Variants in ZMYND8 observed in about 807,000 individuals in gnomAD.
The protein encoded by ZMYND8 is zinc finger MYND-type containing 8.
In ZMYND8, 37 loss-of-function variants were observed where a neutral mutation model predicts 140.8. The ratio of observed to expected loss-of-function variants is 0.26; its 90% CI spans 0.20 to 0.35. The LOEUF is 0.35. Among genes scored for constraint, ZMYND8 ranks in the 10% least tolerant of loss-of-function variants. ZMYND8 has a pLI of 1.00. For synonymous variants in ZMYND8, 592 were observed against 597.1 expected, an observed-to-expected ratio of 0.99 and a Z score of 0.12; for missense variants, 1,068 against 1,570.0, an observed-to-expected ratio of 0.68 and a Z score of 5.40.
In ZMYND8 at chr20:47,209,507, C is replaced by G. The variant is rs901594135; in HGVS notation, c.*1254G>C. On this transcript the variant is annotated 3_prime_UTR_variant, in exon 23 of 23. Coordinates refer to ENST00000471951, the MANE Select transcript of ZMYND8 (RefSeq NM_001281775.3). ...ACAAATGTTCTTTCTCTCCTGTTTT[C>G]TTCTAATACTCTCTTATTTCTTCTC... 2 of 150,238 alleles carry G rather than the reference C, an allele frequency of 1.3e-5. No individual in the cohort carries two copies. Among genetic ancestry groups the G allele is most frequent in the African/African-American group, 2.5e-5 (1 of 40,766 alleles). The allele number at this position is 150,238 out of a possible 1,614,324, so 9.3% of individuals were successfully genotyped here. A position where few individuals can be genotyped will look rare whatever the true frequency, so the allele number is the denominator to read the frequency against.
Position 47,210,825 on chromosome 20 carries a change from T to G in ZMYND8, c.3641A>C (p.Asn1214Thr), listed in dbSNP as rs755510332. 3.1e-6 allele frequency: 5 copies of G among 1,614,152 alleles called. No homozygotes were observed. The highest frequency in any genetic ancestry group is 2.2e-5 in the East Asian group (1 of 44,874). Residue 1214 changes from asparagine (N) to threonine (T), a missense_variant, in exon 23 of 23, where the codon AAC becomes ACC. Physicochemically the swap from Asn to Thr is moderately conservative, Grantham distance 65. Transcript: ENST00000471951. ...GAGGCTCTTCGTGCTGGTACTGGTG[T>G]TGTGATCGGAACGTGTCGATCCCCT... ...EKRGSTRSDH[N>T]TSTSTKSLLP...
intron 7 of ZMYND8, among the ~76,000 whole-genome samples, chr20:47,288,961 G>C (rs896155617): frequency 1.3e-5 from 2 of 152,042 alleles, no homozygotes; most frequent in African/African-American, 4.8e-5. Flanking sequence ...AATTAGCCAG[G>C]TGTGGTGGCA....
intron 2 of ZMYND8, among the ~76,000 whole-genome samples, chr20:47,338,299 T>C (rs187924042): frequency 6.6e-6 from 1 of 151,946 alleles, no homozygotes; most frequent in East Asian, 1.9e-4. Flanking sequence ...ACCAATGCAG[T>C]GGGAGCAGCT....
intron 1 of ZMYND8, chr20:47,355,493 AAG>A: frequency 1.0e-6 from 1 of 985,432 alleles, no homozygotes; most frequent in Non-Finnish European, 1.2e-6. Flanking sequence ...CACAGTTAGG[AAG>A]AGAGAACAGG....
At chr20:47,238,411 A>G (rs2039515512) in intron 15 of ZMYND8, 1 of 375,496 alleles carries the variant, frequency 2.7e-6, no homozygotes, top group South Asian at 2.5e-5. Flanking sequence ...CATGCATAGA[A>G]AAGCTTTTAC....
rs2076100664 is a variant in ZMYND8 at position 47,273,813 on chromosome 20, G to A, written c.1480+2501C>T. On this transcript the variant is annotated intron_variant, in intron 11 of 22. Coordinates refer to ENST00000471951, the MANE Select transcript of ZMYND8 (RefSeq NM_001281775.3). Reference sequence around the variant, plus strand: ...ACGTTACTGCAACAATGACTAAATAGTTGCAGAGTTGGAAAAAAGACCCAA... The same window carrying A: ...ACGTTACTGCAACAATGACTAAATAATTGCAGAGTTGGAAAAAAGACCCAA... Among the ~76,000 whole-genome samples the A allele has an allele frequency of 1.3e-5, 2 of 152,098 alleles. 1 individual carries two copies. Among genetic ancestry groups the A allele is most frequent in the Admixed American group, 1.3e-4 (2 of 15,266 alleles).
At chr20:47,288,551 A>G (rs1439698312) in intron 7 of ZMYND8, among the ~76,000 whole-genome samples, 3 of 151,554 alleles carry the variant, frequency 2.0e-5, no homozygotes, top group African/African-American at 7.3e-5. Flanking sequence ...GCGCCACCAC[A>G]CCCAACTAAT....
At chr20:47,304,873 A>C (rs1006192805) in intron 3 of ZMYND8, among the ~76,000 whole-genome samples, 1 of 152,064 alleles carries the variant, frequency 6.6e-6, no homozygotes, top group African/African-American at 2.4e-5. Flanking sequence ...GTGTTGCCTG[A>C]CCTTGGGGAG....
At chr20:47,294,533 C>A (rs1388971430) in intron 5 of ZMYND8, 133 bp downstream of exon 5, 8 of 750,242 alleles carry the variant, frequency 1.1e-5, no homozygotes, top group Non-Finnish European at 1.8e-5. Flanking sequence ...GTGTGATTTA[C>A]ACATACTTGA....
At chr20:47,349,972 T>C (rs1393709349) in intron 1 of ZMYND8, 32 of 1,527,958 alleles carry the variant, frequency 2.1e-5, no homozygotes, top group Non-Finnish European at 2.8e-5. Context: ...AGCTGAATAC[T>C]TCAGGCAGGA....
chr20:47,305,314 T>C lies in ZMYND8; in HGVS notation c.234+4742A>G, dbSNP rs188526729. Among the ~76,000 whole-genome samples the C allele has an allele frequency of 4.6e-5, 7 of 151,708 alleles. No homozygotes were observed. The East Asian group carries it at 1.2e-3, about 25-fold the overall frequency. On this transcript the variant is annotated intron_variant, in intron 3 of 22. Coordinates refer to ENST00000471951, the MANE Select transcript of ZMYND8 (RefSeq NM_001281775.3). ...CAGGCTGGAGTGCAGTGGTGCGATA[T>C]TGGTTCACTACAACCTCCGAGGTTG...
chr20:47,212,577 A>C, intron 22 of ZMYND8, 65 bp downstream of exon 22: 3 of 1,562,604 alleles, frequency 1.9e-6, no homozygotes, highest in Non-Finnish European at 2.6e-6. Flanking sequence ...GGACACACAC[A>C]GAACAAGCCT....
At chr20:47,216,756 G>A (rs549231960) in intron 21 of ZMYND8, among the ~76,000 whole-genome samples, 2 of 151,968 alleles carry the variant, frequency 1.3e-5, no homozygotes, top group Admixed American at 6.6e-5. Context: ...GCAGTGAGCC[G>A]AGATCATGCC....
At chr20:47,349,742 A>G (rs915847494) in intron 1 of ZMYND8, 2 of 1,379,754 alleles carry the variant, frequency 1.4e-6, no homozygotes, top group African/African-American at 2.9e-5. Flanking sequence ...GTGAAATTCT[A>G]AACTTCTTGA....
In ZMYND8 at chr20:47,308,427, G is replaced by T. The variant is rs191690213; in HGVS notation, c.234+1629C>A. ...TAGGGCCAGGGTTTTTGCCACATTG[G>T]CCAGGCTGGTCTCGAACTCCTGACC... On this transcript the variant is annotated intron_variant, in intron 3 of 22. Coordinates refer to ENST00000471951, the MANE Select transcript of ZMYND8 (RefSeq NM_001281775.3). Among the ~76,000 whole-genome samples, 217 of 151,928 alleles carry T rather than the reference G, an allele frequency of 1.4e-3. 2 individuals are homozygous for T. Among genetic ancestry groups the T allele is most frequent in the Non-Finnish European group, 1.8e-3 (125 of 67,956 alleles).
chr20:47,253,578 G>A (rs920300329), intron 12 of ZMYND8, among the ~76,000 whole-genome samples: 3 of 151,250 alleles, frequency 2.0e-5, no homozygotes, highest in African/African-American at 7.3e-5. Flanking sequence ...AAACTTGCCA[G>A]GTGATCCTAA....
At chr20:47,344,394 T>C (rs1459014150) in intron 2 of ZMYND8, among the ~76,000 whole-genome samples, 1 of 152,178 alleles carries the variant, frequency 6.6e-6, no homozygotes, top group Non-Finnish European at 1.5e-5. Flanking sequence ...TACCAGAGTC[T>C]AATCATGAGA....
chr20:47,323,938 C>T (rs533824399), intron 2 of ZMYND8, among the ~76,000 whole-genome samples: 2 of 152,244 alleles, frequency 1.3e-5, no homozygotes, highest in South Asian at 2.1e-4. Flanking sequence ...TGGTGGCTCA[C>T]GCCTGTAATC....
chr20:47,290,849 C>T (rs2077220937), intron 6 of ZMYND8, among the ~76,000 whole-genome samples: 1 of 152,034 alleles, frequency 6.6e-6, no homozygotes, highest in African/African-American at 2.4e-5. Context: ...CCTCAGCCTC[C>T]CAAACTGCTG....
Sources: allele counts gnomAD v4.1 joint callset (sites outside exome capture counted in the v4.1 genomes callset), GRCh38; gene constraint gnomAD v4.1.1; transcripts MANE v1.5; gene names NCBI Gene and HGNC (gene_info 2026-07-23, HGNC 2026-07-21).